Variants in INKA2 observed in about 807,000 individuals in gnomAD.
The protein encoded by INKA2 is inka box actin regulator 2.
INKA2 carries 3 observed loss-of-function variants against 9.8 expected under a neutral mutation model. The ratio of observed to expected loss-of-function variants is 0.31; its 90% confidence interval spans 0.14 to 0.79. The LOEUF (loss-of-function observed/expected upper bound fraction) is 0.79, where lower values mean the gene tolerates loss of function less well. INKA2 is among the 30% of genes least tolerant of loss of function. The probability of loss-of-function intolerance (pLI) is 0.62; values close to 1 mark genes in which losing one functional copy is unlikely to be tolerated. For missense variants in INKA2, 392 were observed against 384.4 expected (o/e 1.02, Z -0.17); for synonymous variants, 147 against 143.3 (o/e 1.03, Z -0.18).
Position 111,726,198 on chromosome 1 carries a change from G to T in INKA2, c.*770C>A, listed in dbSNP as rs1662765403. The T allele has an allele frequency of 5.0e-6, 2 of 396,492 alleles. No individual in the cohort carries two copies. Among genetic ancestry groups the T allele is most frequent in the Admixed American group, 4.4e-5 (1 of 22,670 alleles). 24.6% of individuals were successfully genotyped at this position (396,492 alleles called of 1,614,324 possible). On this transcript the variant is annotated 3_prime_UTR_variant, in exon 2 of 2. Transcript: ENST00000357260. ...TTATCTGGAAAATGGGATCATGCCT[G>T]CCTGCCTCGCTCACTTTCAAATGAG... is the stretch of plus-strand genomic sequence containing the variant.
chr1:111,726,121 G>A lies in INKA2; in HGVS notation c.*847C>T. The A allele has an allele frequency of 2.5e-6, 1 of 398,622 alleles. No homozygotes were observed. Among genetic ancestry groups the A allele is most frequent in the African/African-American group, 2.1e-5 (1 of 48,738 alleles). 24.7% of individuals were successfully genotyped at this position (398,622 alleles called of 1,614,324 possible). ...TCTGCAGTTAGACCTAGGCTGTTCT[G>A]CCTCCTGGCTGCAGTTGTTCCTGGA... On this transcript the variant is annotated 3_prime_UTR_variant, in exon 2 of 2. Coordinates refer to ENST00000357260, the MANE Select transcript of INKA2 (RefSeq NM_019099.5).
chr1:111,730,448 T>C (rs1662881370), intron 1 of INKA2, among the ~76,000 whole-genome samples: 1 of 152,230 alleles, frequency 6.6e-6, no homozygotes, highest in Non-Finnish European at 1.5e-5. Context: ...AGAAGCCTCC[T>C]AGACAGCTTC....
rs865961634 is a variant in INKA2 at position 111,726,035 on chromosome 1, C to G, written c.*933G>C. The G allele has an allele frequency of 1.3e-5, 5 of 398,620 alleles. No individual in the cohort carries two copies. The Admixed American group carries it at 2.2e-4, about 18-fold the overall frequency. The allele number at this position is 398,620 out of a possible 1,614,324, so 24.7% of individuals were successfully genotyped here. ...TACAGGCGTGAGCCACAGCGCCCAG[C>G]CTGCGGGGTGCTAAGAACTGTTGGG... On this transcript the variant is annotated 3_prime_UTR_variant, in exon 2 of 2. Transcript: ENST00000357260.
intron 1 of INKA2, chr1:111,753,234 GGAGGA>G (rs1663447505): frequency 6.6e-6 from 1 of 152,186 alleles, no homozygotes; most frequent in Non-Finnish European, 1.5e-5. Context: ...GGGTCTGGTT[GGAGGA>G]GGTAGATGGG....
chr1:111,733,085 T>C (rs1189866898), intron 1 of INKA2, among the ~76,000 whole-genome samples: 1 of 152,196 alleles, frequency 6.6e-6, no homozygotes, highest in Non-Finnish European at 1.5e-5. Flanking sequence ...AACCAGGGGC[T>C]GGGAGGTCCA....
Position 111,724,150 on chromosome 1 carries a change from G to C in INKA2, c.*2818C>G, listed in dbSNP as rs1314310451. On this transcript the variant is annotated 3_prime_UTR_variant, in exon 2 of 2. Transcript: ENST00000357260. ...GTAAATCATGTTGGCAGCAAGTGTT[G>C]CTTCCTAATTTTTTGTTCTGGCCCA... 1 of 152,222 alleles carries C rather than the reference G, an allele frequency of 6.6e-6. No individual in the cohort carries two copies. Among genetic ancestry groups the C allele is most frequent in the Non-Finnish European group, 1.5e-5 (1 of 68,050 alleles). 9.4% of individuals were successfully genotyped at this position (152,222 alleles called of 1,614,324 possible).
Position 111,723,406 on chromosome 1 carries a change from A to G in INKA2, c.*3562T>C. The G allele has an allele frequency of 2.5e-6, 1 of 393,462 alleles. No homozygotes were observed. The highest frequency in any genetic ancestry group is 6.4e-5 in the South Asian group (1 of 15,722). 24.4% of individuals were successfully genotyped at this position (393,462 alleles called of 1,614,324 possible). The stretch of plus-strand genomic sequence containing the variant: ...TCTGAAAGGTTGGGAAGAGAAAGGG[A>G]GGAGGGAGACCAGGCCGGCCCCACT... On this transcript the variant is annotated 3_prime_UTR_variant, in exon 2 of 2. Transcript: ENST00000357260.
chr1:111,733,025 C>G (rs1662944660), intron 1 of INKA2, among the ~76,000 whole-genome samples: 1 of 152,204 alleles, frequency 6.6e-6, no homozygotes, highest in Non-Finnish European at 1.5e-5. Flanking sequence ...CGGCTAAACT[C>G]TGAGGGGCTG....
chr1:111,755,674 C>G (rs1232025832), intron 1 of INKA2: 1 of 1,613,088 alleles, frequency 6.2e-7, no homozygotes, highest in Non-Finnish European at 8.5e-7. Flanking sequence ...CCGCGGCGCC[C>G]TCTGCAGGCC....
intron 1 of INKA2, among the ~76,000 whole-genome samples, chr1:111,733,777 A>C (rs1662958282): frequency 6.6e-6 from 1 of 152,058 alleles, no homozygotes. Context: ...ATGTGACGCC[A>C]GCATCCTCGG....
At chr1:111,740,431 C>G (rs1384515050), upstream of INKA2, among the ~76,000 whole-genome samples, 2 of 152,178 alleles carry the variant, frequency 1.3e-5, no homozygotes, top group African/African-American at 4.8e-5. Flanking sequence ...GCTCCGCGCC[C>G]GCCAGCGCTG....
chr1:111,727,135 C>A lies in INKA2; in HGVS notation c.727G>T (p.Gly243Cys). The A allele has an allele frequency of 1.9e-6, 3 of 1,614,226 alleles. No individual in the cohort carries two copies. Among genetic ancestry groups the A allele is most frequent in the Non-Finnish European group, 2.5e-6 (3 of 1,180,046 alleles). Residue 243 changes from glycine to cysteine, a missense_variant, in exon 2 of 2, where the codon GGC (glycine) becomes TGC (cysteine). By Grantham distance (159) the Gly-to-Cys change is radical. Coordinates refer to ENST00000357260, the MANE Select transcript of INKA2 (RefSeq NM_019099.5). ...CGCTTCTTGACCTTCTGTGAGCGGC[C>A]GGTTCGGGACTCAGGGACCATGGGT... ...VTPMVPESRT[G>C]RSQKVKKRSL... is the part of the protein sequence containing the mutation.
intron 1 of INKA2, among the ~76,000 whole-genome samples, chr1:111,736,681 G>A (rs748010236): frequency 5.3e-4 from 81 of 152,338 alleles, no homozygotes; most frequent in East Asian, 7.7e-4. Context: ...TGGGTGGCAA[G>A]GGAGATCCTG....
chr1:111,742,210 A>G (rs546497125), upstream of INKA2, among the ~76,000 whole-genome samples: 2 of 152,174 alleles, frequency 1.3e-5, no homozygotes, highest in Non-Finnish European at 2.9e-5. Context: ...ACCTTGCACA[A>G]ATGCTTTCCT....
upstream of INKA2, among the ~76,000 whole-genome samples, chr1:111,742,578 C>T (rs1007950799): frequency 6.6e-6 from 1 of 152,114 alleles, no homozygotes; most frequent in African/African-American, 2.4e-5. Flanking sequence ...AGCGAGACTC[C>T]GTCTCAAAAA....
upstream of INKA2, among the ~76,000 whole-genome samples, chr1:111,744,066 C>G (rs1164039481): frequency 6.6e-6 from 1 of 152,218 alleles, no homozygotes; most frequent in African/African-American, 2.4e-5. Flanking sequence ...AGGGGAGGAA[C>G]TGGACTGAGG....
rs1046354684 is a variant in INKA2 at position 111,724,433 on chromosome 1, A to G, written c.*2535T>C. On this transcript the variant is annotated 3_prime_UTR_variant, in exon 2 of 2. Coordinates refer to ENST00000357260, the MANE Select transcript of INKA2 (RefSeq NM_019099.5). ...AAGTACCTTGGTTTCCCACAGACTC[A>G]TTCCAGACTTGGAGCTGGTGTCATC... The G allele has an allele frequency of 6.6e-5, 10 of 152,278 alleles. No homozygotes were observed. Among genetic ancestry groups the G allele is most frequent in the Non-Finnish European group, 2.9e-5 (2 of 68,052 alleles). The allele number at this position is 152,278 out of a possible 1,614,324, so 9.4% of individuals were successfully genotyped here.
At chr1:111,740,802 G>A (rs1231679308), upstream of INKA2, among the ~76,000 whole-genome samples, 1 of 151,816 alleles carries the variant, frequency 6.6e-6, no homozygotes, top group African/African-American at 2.4e-5. Context: ...GAGAAACCCC[G>A]TCTCCACTAA....
intron 1 of INKA2, among the ~76,000 whole-genome samples, chr1:111,728,108 T>G (rs942112789): frequency 2.1e-5 from 3 of 141,016 alleles, no homozygotes; most frequent in African/African-American, 8.2e-5. Context: ...TATGAGGTAG[T>G]GACTATTACT....
Sources: gnomAD v4.1 joint callset for allele counts (sites outside exome capture counted in the v4.1 genomes callset) on GRCh38, gnomAD v4.1.1 for gene constraint, MANE v1.5 for transcripts, NCBI Gene and HGNC (gene_info 2026-07-23, HGNC 2026-07-21) for gene names.